Variants in DRD3 observed in about 807,000 individuals in gnomAD.
DRD3 encodes dopamine receptor D3, also known as D(3) dopamine receptor.
A neutral mutation model predicts 36.3 loss-of-function variants in DRD3; 19 were observed. The observed-to-expected ratio is 0.52, with a 90% CI of 0.36 to 0.77. The LOEUF (loss-of-function observed/expected upper bound fraction) is 0.77, where lower values mean the gene tolerates loss of function less well. DRD3 is among the 30% of genes least tolerant of loss of function. DRD3 has a pLI of 0.00. For synonymous variants in DRD3, 195 were observed against 203.7 expected (o/e 0.96, Z 0.36); for missense variants, 465 against 505.3 (o/e 0.92, Z 0.77).
At chr3:114,154,797 C>T (rs1440699792) in intron 3 of DRD3, among the ~76,000 whole-genome samples, 1 of 152,058 alleles carries the variant, frequency 6.6e-6, no homozygotes, top group Non-Finnish European at 1.5e-5. Flanking sequence ...CTCTAATTCT[C>T]ACCACTTGGT....
At chr3:114,157,657 A>G (rs1422057113) in intron 3 of DRD3, among the ~76,000 whole-genome samples, 1 of 152,222 alleles carries the variant, frequency 6.6e-6, no homozygotes, top group African/African-American at 2.4e-5. Context: ...AAAAAAATGA[A>G]TATGAACACA....
intron 2 of DRD3, among the ~76,000 whole-genome samples, chr3:114,160,284 T>A (rs1402508261): frequency 1.3e-5 from 2 of 152,192 alleles, no homozygotes; most frequent in Non-Finnish European, 2.9e-5. Context: ...TTTGCTCTTG[T>A]TGCCCAGGTT....
chr3:114,170,924 T>C lies in DRD3; in HGVS notation c.270+799A>G, dbSNP rs114299270. On this transcript the variant is annotated intron_variant, in intron 2 of 6. Transcript: ENST00000383673. ...CTTAAGTAATTGCATGTTTTCCTGGTAAGAATATCTGTTTCTTGAACAGAT... is the reference window on the plus strand; with the variant it reads ...CTTAAGTAATTGCATGTTTTCCTGGCAAGAATATCTGTTTCTTGAACAGAT... 8.6e-3 allele frequency among the ~76,000 whole-genome samples: 1,317 copies of C among 152,318 alleles called. 10 individuals are homozygous for C. Among genetic ancestry groups the C allele is most frequent in the Non-Finnish European group, 0.014 (974 of 68,020 alleles).
At chr3:114,161,026 T>C (rs1488040325) in intron 2 of DRD3, among the ~76,000 whole-genome samples, 1 of 152,194 alleles carries the variant, frequency 6.6e-6, no homozygotes, top group Non-Finnish European at 1.5e-5. Flanking sequence ...ATCAGGAAGA[T>C]GTGTCAGGGA....
In DRD3 at chr3:114,127,770, C is replaced by CATT. The variant is rs1402158178; in HGVS notation, c.*943_*945dup. 6.6e-6 allele frequency among the ~76,000 whole-genome samples: 1 copy of CATT among 152,102 alleles called. No homozygotes were observed. The highest frequency in any genetic ancestry group is 2.4e-5 in the African/African-American group (1 of 41,410). ...TTAAGTGATAGAAATTCTTCAGCTCCATTATTATCTTATGAGACCACCGTT... is the reference window on the plus strand; with the variant it reads ...TTAAGTGATAGAAATTCTTCAGCTCCATTATTATTATCTTATGAGACCACCGTT... On this transcript the variant is annotated 3_prime_UTR_variant, in exon 7 of 7. Coordinates refer to ENST00000383673, the MANE Select transcript of DRD3 (RefSeq NM_000796.6).
intron 1 of DRD3, among the ~76,000 whole-genome samples, chr3:114,174,973 A>G (rs72944698): frequency 0.074 from 11,233 of 152,186 alleles, 874 homozygotes; most frequent in African/African-American, 0.2. Flanking sequence ...TATCCATTCC[A>G]TAAGGTTATT....
At chr3:114,161,847 G>T (rs1040743897) in intron 2 of DRD3, among the ~76,000 whole-genome samples, 1 of 152,188 alleles carries the variant, frequency 6.6e-6, no homozygotes, top group African/African-American at 2.4e-5. Context: ...AGCTGATTTT[G>T]TATACTAAAT....
intron 5 of DRD3, 117 bp from the exon 6 acceptor site, chr3:114,131,517 C>G: frequency 7.3e-6 from 10 of 1,362,962 alleles, no homozygotes; most frequent in Non-Finnish European, 8.8e-6. Context: ...TTGTGGGAAA[C>G]CTACAAAGGG....
At chr3:114,193,001 C>A (rs529997301) in intron 1 of DRD3, among the ~76,000 whole-genome samples, 1 of 152,098 alleles carries the variant, frequency 6.6e-6, no homozygotes, top group African/African-American at 2.4e-5. Flanking sequence ...AAAAGAAGGC[C>A]GGGCCTGGTG....
At chr3:114,184,134 A>G (rs2107899621) in intron 1 of DRD3, among the ~76,000 whole-genome samples, 1 of 152,080 alleles carries the variant, frequency 6.6e-6, no homozygotes, top group Non-Finnish European at 1.5e-5. Flanking sequence ...TATATTCCTT[A>G]ACTATTTCTT....
chr3:114,182,482 G>T (rs1413161436), upstream of DRD3, among the ~76,000 whole-genome samples: 5 of 151,974 alleles, frequency 3.3e-5, no homozygotes, highest in African/African-American at 9.7e-5. Flanking sequence ...AATGATAGTG[G>T]TTTTTTATAT....
upstream of DRD3, among the ~76,000 whole-genome samples, chr3:114,180,094 T>C (rs558312461): frequency 2.6e-4 from 39 of 152,248 alleles, no homozygotes; most frequent in African/African-American, 8.9e-4. Flanking sequence ...TTAACCACTA[T>C]GGTATAGTCT....
At chr3:114,128,991 T>G in intron 6 of DRD3, 79 bp from the exon 7 acceptor site, 45 of 1,413,856 alleles carry the variant, frequency 3.2e-5, no homozygotes, top group Non-Finnish European at 4.2e-5. Flanking sequence ...GACTCACGGT[T>G]GTCTACTTTA....
At chr3:114,161,181 G>A (rs748410249) in intron 2 of DRD3, among the ~76,000 whole-genome samples, 1 of 152,170 alleles carries the variant, frequency 6.6e-6, no homozygotes, top group Non-Finnish European at 1.5e-5. Context: ...TTGTGCCTCT[G>A]GCTGTAGCTG....
At chr3:114,186,754 A>G (rs1443708309) in intron 1 of DRD3, among the ~76,000 whole-genome samples, 2 of 152,206 alleles carry the variant, frequency 1.3e-5, no homozygotes, top group African/African-American at 4.8e-5. Context: ...GCAAGCTTTC[A>G]ATAGATTCCA....
intron 5 of DRD3, among the ~76,000 whole-genome samples, chr3:114,139,206 A>T (rs1245141528): frequency 2.0e-5 from 3 of 152,234 alleles, no homozygotes; most frequent in Non-Finnish European, 4.4e-5. Flanking sequence ...CCTGTGGGAC[A>T]TCTGAGCTGC....
chr3:114,169,009 T>G (rs2077813412), intron 2 of DRD3, among the ~76,000 whole-genome samples: 1 of 151,974 alleles, frequency 6.6e-6, no homozygotes, highest in African/African-American at 2.4e-5. Flanking sequence ...TACAGCAGTC[T>G]CGGTGGTCAA....
upstream of DRD3, among the ~76,000 whole-genome samples, chr3:114,179,982 T>C (rs1011910964): frequency 6.6e-6 from 1 of 152,146 alleles, no homozygotes; most frequent in African/African-American, 2.4e-5. Flanking sequence ...CCTTAATTTA[T>C]GGATAGGAAA....
chr3:114,172,119 A>T lies in DRD3; in HGVS notation c.-35-92T>A. On this transcript the variant is annotated intron_variant, in intron 1 of 6. Transcript: ENST00000383673. ...TTTTTTATTTATTGCATCAGCAAAT[A>T]TTTATTGAGCATTTTCTATATAGTA... The T allele has an allele frequency of 7.8e-6, 8 of 1,026,820 alleles. No homozygotes were observed. The South Asian group carries it at 2.1e-4, about 27-fold the overall frequency. The allele number at this position is 1,026,820 out of a possible 1,614,324, so 63.6% of individuals were successfully genotyped here. A position where few individuals can be genotyped will look rare whatever the true frequency, so the allele number is the denominator to read the frequency against.
Sources: gnomAD v4.1 joint callset for allele counts (sites outside exome capture counted in the v4.1 genomes callset) on GRCh38, gnomAD v4.1.1 for gene constraint, MANE v1.5 for transcripts, NCBI Gene and HGNC (gene_info 2026-07-23, HGNC 2026-07-21) for gene names.